SYT1: variants seen among roughly 807,000 people sequenced by gnomAD.
SYT1 encodes the protein synaptotagmin-1.
Under a neutral mutation model 44.8 loss-of-function variants are expected in SYT1, and 8 were observed. The observed-to-expected ratio is 0.18, with a 90% CI of 0.10 to 0.32. The LOEUF (loss-of-function observed/expected upper bound fraction) is 0.32, where lower values mean the gene tolerates loss of function less well. Ranked by LOEUF, SYT1 falls within the 10% of genes least tolerant of loss-of-function variation. The probability of loss-of-function intolerance (pLI) is 1.00; values close to 1 mark genes in which losing one functional copy is unlikely to be tolerated. For missense variants in SYT1, 286 were observed against 509.3 expected, an observed-to-expected ratio of 0.56 and a Z score of 4.22; for synonymous variants, 154 against 188.8, an observed-to-expected ratio of 0.82 and a Z score of 1.51.
intron 3 of SYT1, among the ~76,000 whole-genome samples, chr12:79,095,578 A>G (rs1878072998): frequency 1.3e-5 from 2 of 151,810 alleles, no homozygotes; most frequent in African/African-American, 2.4e-5. Context: ...TTCACCAGCA[A>G]CTCCAAATTT....
At chr12:78,926,271 T>C (rs1877299762) in intron 1 of SYT1, among the ~76,000 whole-genome samples, 1 of 152,082 alleles carries the variant, frequency 6.6e-6, no homozygotes, top group Non-Finnish European at 1.5e-5. Flanking sequence ...CTATTTTATT[T>C]TAATGTATTT....
chr12:79,086,103 T>G (rs1460609914), intron 3 of SYT1, among the ~76,000 whole-genome samples: 3 of 152,160 alleles, frequency 2.0e-5, no homozygotes, highest in Non-Finnish European at 2.9e-5. Context: ...AGATAATTCA[T>G]GTGAAGCACT....
chr12:79,355,117 G>A (rs1309056660), intron 9 of SYT1, among the ~76,000 whole-genome samples: 1 of 152,128 alleles, frequency 6.6e-6, no homozygotes, highest in African/African-American at 2.4e-5. Context: ...TTTGCTGTCT[G>A]TTTCCACTAG....
intron 1 of SYT1, among the ~76,000 whole-genome samples, chr12:78,928,056 T>C (rs1176569138): frequency 6.6e-6 from 1 of 152,146 alleles, no homozygotes; most frequent in African/African-American, 2.4e-5. Flanking sequence ...TATGCTGCTA[T>C]TATAGGATAG....
At chr12:78,965,030 C>T (rs1366887050) in intron 1 of SYT1, among the ~76,000 whole-genome samples, 1 of 151,900 alleles carries the variant, frequency 6.6e-6, no homozygotes, top group East Asian at 1.9e-4. Context: ...GAAAGTGATA[C>T]ATTTTATGCA....
At chr12:79,057,160 T>A (rs1875008632) in intron 3 of SYT1, among the ~76,000 whole-genome samples, 1 of 152,086 alleles carries the variant, frequency 6.6e-6, no homozygotes, top group African/African-American at 2.4e-5. Flanking sequence ...GACAATTTTA[T>A]TTCTTTTCTA....
intron 9 of SYT1, among the ~76,000 whole-genome samples, chr12:79,384,869 A>G (rs971053243): frequency 6.6e-6 from 1 of 152,046 alleles, no homozygotes; most frequent in Non-Finnish European, 1.5e-5. Flanking sequence ...TGATCTGTTT[A>G]TGTATGGGTG....
chr12:79,421,039 C>T (rs1444902830), intron 9 of SYT1, among the ~76,000 whole-genome samples: 2 of 152,062 alleles, frequency 1.3e-5, no homozygotes, highest in Non-Finnish European at 1.5e-5. Flanking sequence ...TTGAGCCATG[C>T]TTAAAGATTT....
At chr12:79,220,977 C>G (rs2138576781) in intron 4 of SYT1, among the ~76,000 whole-genome samples, 1 of 152,130 alleles carries the variant, frequency 6.6e-6, no homozygotes, top group East Asian at 1.9e-4. Flanking sequence ...TGATGTTTCC[C>G]TACTGATTTC....
At chr12:79,093,100 A>C (rs1877890514) in intron 3 of SYT1, among the ~76,000 whole-genome samples, 1 of 151,742 alleles carries the variant, frequency 6.6e-6, no homozygotes, top group African/African-American at 2.4e-5. Flanking sequence ...AAAGAAGGTT[A>C]AACATCACTT....
intron 9 of SYT1, among the ~76,000 whole-genome samples, chr12:79,403,293 A>G (rs1352240166): frequency 6.6e-6 from 1 of 152,154 alleles, no homozygotes; most frequent in Admixed American, 6.5e-5. Context: ...GGAGAAAGAG[A>G]GAGAGGCTTT....
At position 78,996,106 on chromosome 12, in the gene SYT1, T is replaced by C. The variant is rs1378046242; in HGVS notation, c.-84+18175T>C. 2.0e-5 allele frequency among the ~76,000 whole-genome samples: 3 copies of C among 152,302 alleles called. No individual in the cohort carries two copies. In the East Asian group the frequency reaches 5.8e-4, roughly 29 times the overall value. Reference sequence around the variant, plus strand: ...TAAGGTCTGGAGGTGTAATTATAGGTATAATTTGACCTCTTTTTTACTACC... The same window carrying C: ...TAAGGTCTGGAGGTGTAATTATAGGCATAATTTGACCTCTTTTTTACTACC... On this transcript the variant is annotated intron_variant, in intron 2 of 10. Transcript: ENST00000261205.
chr12:79,103,162 T>G (rs1295530269), intron 3 of SYT1: 4 of 152,218 alleles, frequency 2.6e-5, no homozygotes, highest in African/African-American at 9.6e-5. Context: ...TTACTTATCG[T>G]GGCAATTTTT....
chr12:79,449,317 C>T lies in SYT1; in HGVS notation c.*193C>T, dbSNP rs575724891. On this transcript the variant is annotated 3_prime_UTR_variant, in exon 11 of 11. Coordinates refer to ENST00000261205, the MANE Select transcript of SYT1 (RefSeq NM_005639.3). ...CCCTAAGTCCTTCATCATACCACTG[C>T]CCTCCAAATCTACTCTTCTTTTAAG... 1.5e-4 allele frequency: 90 copies of T among 592,828 alleles called. No homozygotes were observed. In the South Asian group the frequency reaches 1.6e-3, roughly 11 times the overall value. 36.7% of individuals were successfully genotyped at this position (592,828 alleles called of 1,614,324 possible). A position where few individuals can be genotyped will look rare whatever the true frequency, so the allele number is the denominator to read the frequency against.
Position 79,145,781 on chromosome 12 carries a change from G to A in SYT1, c.-17-71722G>A, listed in dbSNP as rs567720896. Among the ~76,000 whole-genome samples the A allele has an allele frequency of 1.8e-4, 27 of 150,012 alleles. 1 individual carries two copies. The highest frequency in any genetic ancestry group is 3.0e-4 in the Non-Finnish European group (20 of 67,756). On this transcript the variant is annotated intron_variant, in intron 3 of 10. Transcript: ENST00000261205. ...TGTTTGTTTGTTTGTTTTTTGAGAC[G>A]GAGTCTCGCTCTGTCGCCCAGGCTG...
chr12:79,218,108 T>C (rs904700938), intron 4 of SYT1, among the ~76,000 whole-genome samples: 1 of 152,196 alleles, frequency 6.6e-6, no homozygotes, highest in Non-Finnish European at 1.5e-5. Flanking sequence ...GTCATTCATT[T>C]GTCATCATTT....
chr12:79,418,904 G>A (rs1868921905), intron 9 of SYT1, among the ~76,000 whole-genome samples: 1 of 152,096 alleles, frequency 6.6e-6, no homozygotes, highest in Non-Finnish European at 1.5e-5. Flanking sequence ...GAACACCTGA[G>A]GCCCCACCCC....
rs576555372 is a variant in SYT1 at position 78,960,946 on chromosome 12, C to T, written c.-216-16853C>T. On this transcript the variant is annotated intron_variant, in intron 1 of 10. Transcript: ENST00000261205. ...ACTATCAGAATTGTTTTATATAGCC[C>T]AATATGGCTCTGTCATCCATTAATT... 4.3e-4 allele frequency among the ~76,000 whole-genome samples: 66 copies of T among 152,116 alleles called. 1 individual carries two copies. Among genetic ancestry groups the T allele is most frequent in the African/African-American group, 1.5e-3 (64 of 41,532 alleles).
intron 2 of SYT1, among the ~76,000 whole-genome samples, chr12:79,045,156 G>A (rs982022930): frequency 6.6e-6 from 1 of 152,154 alleles, no homozygotes; most frequent in Admixed American, 6.5e-5. Flanking sequence ...CACCCAGTTC[G>A]AGCTTCCCGG....
Sources: allele counts gnomAD v4.1 joint callset (sites outside exome capture counted in the v4.1 genomes callset), GRCh38; gene constraint gnomAD v4.1.1; transcripts MANE v1.5; gene names NCBI Gene and HGNC (gene_info 2026-07-23, HGNC 2026-07-21).